The following CTNND2 variants were observed in gnomAD, a reference collection of about 807,000 sequenced individuals.
The protein encoded by CTNND2 is catenin delta 2.
CTNND2 carries 22 observed loss-of-function variants against 144.4 expected under a neutral mutation model. That is an observed-to-expected ratio of 0.15 (90% CI 0.11 to 0.22). CTNND2 has a LOEUF of 0.22. Among genes scored for constraint, CTNND2 ranks in the 10% least tolerant of loss-of-function variants. CTNND2 has a pLI of 1.00. For synonymous variants in CTNND2, 751 were observed against 695.6 expected, an observed-to-expected ratio of 1.08 and a Z score of -1.25; for missense variants, 1,353 against 1,618.8, an observed-to-expected ratio of 0.84 and a Z score of 2.82.
intron 11 of CTNND2, among the ~76,000 whole-genome samples, chr5:11,164,140 C>T (rs373258495): frequency 6.6e-6 from 1 of 152,096 alleles, no homozygotes; most frequent in East Asian, 1.9e-4. Context: ...GGACTCTGAC[C>T]CTCCTACCTC....
chr5:11,742,290 T>C (rs1378926054), intron 1 of CTNND2, among the ~76,000 whole-genome samples: 3 of 152,156 alleles, frequency 2.0e-5, no homozygotes, highest in Admixed American at 1.3e-4. Flanking sequence ...CCTTTTTATC[T>C]TTTAGTTTAG....
intron 2 of CTNND2, among the ~76,000 whole-genome samples, chr5:11,607,877 T>G (rs965361533): frequency 6.6e-6 from 1 of 152,150 alleles, no homozygotes; most frequent in Non-Finnish European, 1.5e-5. Flanking sequence ...TTAGGCCCCA[T>G]GCAAGGAATG....
intron 9 of CTNND2, among the ~76,000 whole-genome samples, chr5:11,312,337 A>G (rs1751062879): frequency 6.6e-6 from 1 of 151,856 alleles, no homozygotes; most frequent in South Asian, 2.1e-4. Context: ...GACATACCCA[A>G]GACTGGGAAG....
chr5:11,575,089 A>G (rs1480399485), intron 2 of CTNND2, among the ~76,000 whole-genome samples: 1 of 152,142 alleles, frequency 6.6e-6, no homozygotes, highest in African/African-American at 2.4e-5. Flanking sequence ...CCTCAATCTC[A>G]GCACCTGAGA....
At chr5:11,621,865 C>T (rs1360644317) in intron 2 of CTNND2, among the ~76,000 whole-genome samples, 1 of 152,174 alleles carries the variant, frequency 6.6e-6, no homozygotes, top group Non-Finnish European at 1.5e-5. Context: ...GCGGGGCTGT[C>T]ATAGTTGGCT....
chr5:11,285,157 C>A (rs1370350519), intron 9 of CTNND2, among the ~76,000 whole-genome samples: 1 of 152,216 alleles, frequency 6.6e-6, no homozygotes, highest in Non-Finnish European at 1.5e-5. Context: ...CAGGTTATAT[C>A]TGCTGCCCCA....
intron 3 of CTNND2, among the ~76,000 whole-genome samples, chr5:11,433,493 T>G (rs1466753921): frequency 6.6e-6 from 1 of 152,132 alleles, no homozygotes; most frequent in Non-Finnish European, 1.5e-5. Flanking sequence ...AAAAGAGATT[T>G]AATTGGCTCA....
chr5:11,714,058 G>A lies in CTNND2; in HGVS notation c.174+18078C>T, dbSNP rs1272456054. On this transcript the variant is annotated intron_variant, in intron 2 of 21. Coordinates refer to ENST00000304623, the MANE Select transcript of CTNND2 (RefSeq NM_001332.4). ...CATTCTATATTTAACTTTGTTACAC[G>A]GGGAGTATATGTTTGCTGTGAGTGA... Among the ~76,000 whole-genome samples the A allele has an allele frequency of 4.6e-5, 7 of 152,242 alleles. No individual in the cohort carries two copies. In the East Asian group the frequency reaches 9.7e-4, roughly 21 times the overall value.
At chr5:11,781,634 G>C (rs1326088479) in intron 1 of CTNND2, among the ~76,000 whole-genome samples, 1 of 152,110 alleles carries the variant, frequency 6.6e-6, no homozygotes, top group Admixed American at 6.6e-5. Context: ...CTCTGTTTTT[G>C]TGTTTTGTTA....
At chr5:11,047,347 C>T (rs1388159431) in intron 16 of CTNND2, among the ~76,000 whole-genome samples, 1 of 152,134 alleles carries the variant, frequency 6.6e-6, no homozygotes, top group Non-Finnish European at 1.5e-5. Context: ...CCACCAACAG[C>T]GATGGCAAAA....
At chr5:11,851,037 G>A (rs11739026) in intron 1 of CTNND2, among the ~76,000 whole-genome samples, 1,841 of 152,224 alleles carry the variant, frequency 0.012, 22 homozygotes, top group Non-Finnish European at 0.017. Context: ...GAGAAAAGAC[G>A]GAGGTCCCCC....
At chr5:10,993,816 A>G (rs1200887589) in intron 18 of CTNND2, among the ~76,000 whole-genome samples, 1 of 152,160 alleles carries the variant, frequency 6.6e-6, no homozygotes, top group Non-Finnish European at 1.5e-5. Context: ...GGTGTATCTA[A>G]TAAGAATTAG....
At chr5:11,800,589 A>G (rs558038858) in intron 1 of CTNND2, among the ~76,000 whole-genome samples, 1 of 152,290 alleles carries the variant, frequency 6.6e-6, no homozygotes, top group African/African-American at 2.4e-5. Flanking sequence ...GCACCAAGTG[A>G]TGAAGGAAAA....
chr5:11,463,285 T>G (rs1766380578), intron 3 of CTNND2, among the ~76,000 whole-genome samples: 1 of 152,230 alleles, frequency 6.6e-6, no homozygotes, highest in Non-Finnish European at 1.5e-5. Flanking sequence ...TCCATCCATC[T>G]ATCTCTTAAA....
At chr5:11,306,102 T>G (rs1297832499) in intron 9 of CTNND2, among the ~76,000 whole-genome samples, 1 of 152,200 alleles carries the variant, frequency 6.6e-6, no homozygotes, top group African/African-American at 2.4e-5. Flanking sequence ...CACTCTGATT[T>G]CCATAAATGA....
chr5:11,292,251 C>T (rs893045297), intron 9 of CTNND2, among the ~76,000 whole-genome samples: 40 of 152,004 alleles, frequency 2.6e-4, no homozygotes, highest in Non-Finnish European at 4.4e-5. Flanking sequence ...GTGCCCAATA[C>T]CTTAGAATGT....
At chr5:11,784,502 T>C (rs1790726094) in intron 1 of CTNND2, among the ~76,000 whole-genome samples, 1 of 152,198 alleles carries the variant, frequency 6.6e-6, no homozygotes, top group East Asian at 1.9e-4. Flanking sequence ...GGAAAAGATC[T>C]GTAAATACAA....
chr5:11,580,900 G>T (rs973711663), intron 2 of CTNND2, among the ~76,000 whole-genome samples: 1 of 152,062 alleles, frequency 6.6e-6, no homozygotes, highest in African/African-American at 2.4e-5. Flanking sequence ...TAGTTTAGAG[G>T]TTTCATCATT....
intron 10 of CTNND2, among the ~76,000 whole-genome samples, chr5:11,231,762 A>G (rs1402791443): frequency 3.9e-5 from 6 of 152,254 alleles, no homozygotes; most frequent in Non-Finnish European, 7.3e-5. Context: ...CAAGAAGCCA[A>G]ATGAACGTTA....
Sources: allele counts gnomAD v4.1 joint callset (sites outside exome capture counted in the v4.1 genomes callset), GRCh38; gene constraint gnomAD v4.1.1; transcripts MANE v1.5; gene names NCBI Gene and HGNC (gene_info 2026-07-23, HGNC 2026-07-21).